TMEM184B: variants seen among roughly 807,000 people sequenced by gnomAD.
TMEM184B encodes the protein putative MAPK-activating protein FM08.
In TMEM184B, 17 loss-of-function variants were observed where a neutral mutation model predicts 41.8. The ratio of observed to expected loss-of-function variants is 0.41; its 90% CI spans 0.28 to 0.61. The LOEUF (loss-of-function observed/expected upper bound fraction) is 0.61. TMEM184B is among the 20% of genes least tolerant of loss of function. The pLI, the probability that TMEM184B is intolerant of heterozygous loss-of-function variation, is 0.34. For missense variants in TMEM184B, 393 were observed against 557.8 expected (o/e 0.70, Z 2.98); for synonymous variants, 240 against 229.5 (o/e 1.05, Z -0.41).
intron 1 of TMEM184B, among the ~76,000 whole-genome samples, chr22:38,258,100 C>T (rs894742525): frequency 6.6e-6 from 1 of 152,138 alleles, no homozygotes; most frequent in Non-Finnish European, 1.5e-5. Context: ...GGCAAAGAGG[C>T]CAGGCCACGC....
chr22:38,227,625 CAG>C (rs1277827150), intron 5 of TMEM184B, among the ~76,000 whole-genome samples: 1 of 152,162 alleles, frequency 6.6e-6, no homozygotes, highest in Admixed American at 6.5e-5. Flanking sequence ...ACGTGGACTC[CAG>C]AGTCTCAAAA....
In TMEM184B at chr22:38,219,749, A is replaced by G; in HGVS notation, c.*1720T>C. On this transcript the variant is annotated 3_prime_UTR_variant, in exon 9 of 9. Transcript: ENST00000361906. ...AGGGAGAAGGGAAGCCACGGTGGAG[A>G]GACAGCTTGGTGAAAGCAGATGGCG... is the stretch of plus-strand genomic sequence containing the variant. 19 of 985,714 alleles carry G rather than the reference A, an allele frequency of 1.9e-5. No homozygotes were observed. The highest frequency in any genetic ancestry group is 2.3e-5 in the Non-Finnish European group (19 of 830,150). 61.1% of individuals were successfully genotyped at this position (985,714 alleles called of 1,614,324 possible). A position where few individuals can be genotyped will look rare whatever the true frequency, so the allele number is the denominator to read the frequency against.
At position 38,220,006 on chromosome 22, in the gene TMEM184B, TC is replaced by T; in HGVS notation, c.*1462del. 1 of 985,256 alleles carries T rather than the reference TC, an allele frequency of 1.0e-6. No individual in the cohort carries two copies. The highest frequency in any genetic ancestry group is 1.7e-5 in the African/African-American group (1 of 57,244). 61.0% of individuals were successfully genotyped at this position (985,256 alleles called of 1,614,324 possible). On this transcript the variant is annotated 3_prime_UTR_variant, in exon 9 of 9. Coordinates refer to ENST00000361906, the MANE Select transcript of TMEM184B (RefSeq NM_012264.5). Reference sequence around the variant, plus strand: ...TTCCAGGAAGGACCAAAAGAAAGAATCCCCAGTGAACACCGGCAGGGTCCCT... The same window carrying T: ...TTCCAGGAAGGACCAAAAGAAAGAATCCCAGTGAACACCGGCAGGGTCCCT...
intron 1 of TMEM184B, among the ~76,000 whole-genome samples, chr22:38,255,892 T>A (rs2092269594): frequency 6.6e-6 from 1 of 152,210 alleles, no homozygotes; most frequent in Admixed American, 6.5e-5. Context: ...GGTGGGGGTG[T>A]GTAATTTTAA....
At chr22:38,260,448 A>G (rs2092353702) in intron 1 of TMEM184B, among the ~76,000 whole-genome samples, 2 of 152,138 alleles carry the variant, frequency 1.3e-5, no homozygotes, top group South Asian at 4.1e-4. Flanking sequence ...GGCTGACGTC[A>G]TTTGCCCACA....
In TMEM184B at chr22:38,236,958, T is replaced by C. The variant is rs2091787768; in HGVS notation, c.359-5624A>G. On this transcript the variant is annotated intron_variant, in intron 3 of 8. Transcript: ENST00000361906. ...TGACTTTCCTGTCCCTTGTGGATCCTGTTATTCCTGTTTGTCGCCCTCCCA... is the reference window on the plus strand; with the variant it reads ...TGACTTTCCTGTCCCTTGTGGATCCCGTTATTCCTGTTTGTCGCCCTCCCA... 2.0e-5 allele frequency among the ~76,000 whole-genome samples: 3 copies of C among 152,210 alleles called. No homozygotes were observed. The South Asian group carries it at 6.2e-4, about 32-fold the overall frequency.
downstream of TMEM184B, among the ~76,000 whole-genome samples, chr22:38,218,568 G>A (rs1166418785): frequency 2.0e-5 from 3 of 152,114 alleles, no homozygotes; most frequent in South Asian, 4.1e-4. Context: ...CCAGTTGGGC[G>A]AAGGTGCAGG....
chr22:38,263,379 G>C (rs1435377281), intron 1 of TMEM184B, among the ~76,000 whole-genome samples: 1 of 152,130 alleles, frequency 6.6e-6, no homozygotes, highest in Non-Finnish European at 1.5e-5. Context: ...AGACACTTTT[G>C]ATTCTCTTCC....
chr22:38,221,310 C>T lies in TMEM184B; in HGVS notation c.*159G>A. On this transcript the variant is annotated 3_prime_UTR_variant, in exon 9 of 9. Transcript: ENST00000361906. ...GGCCCATGGGCGAGCCTGGCTGTCCCCCGTTCCTCTGGAAGTGACATGTGA... is the reference window on the plus strand; with the variant it reads ...GGCCCATGGGCGAGCCTGGCTGTCCTCCGTTCCTCTGGAAGTGACATGTGA... 7.0e-7 allele frequency: 1 copy of T among 1,435,894 alleles called. No homozygotes were observed. Among genetic ancestry groups the T allele is most frequent in the Admixed American group, 2.9e-5 (1 of 34,832 alleles). The allele number at this position is 1,435,894 out of a possible 1,614,324, so 88.9% of individuals were successfully genotyped here.
chr22:38,241,190 G>A (rs779991426), intron 3 of TMEM184B, among the ~76,000 whole-genome samples: 6 of 152,224 alleles, frequency 3.9e-5, no homozygotes, highest in Non-Finnish European at 8.8e-5. Flanking sequence ...CAGGAGAAGC[G>A]TCACGGGGAA....
intron 5 of TMEM184B, among the ~76,000 whole-genome samples, chr22:38,227,381 A>G (rs1173274912): frequency 6.6e-6 from 1 of 152,028 alleles, no homozygotes; most frequent in Admixed American, 6.5e-5. Context: ...CGCACTAGAG[A>G]GGTGGCTGAG....
chr22:38,244,635 T>A (rs1205720178), intron 3 of TMEM184B, among the ~76,000 whole-genome samples: 1 of 152,218 alleles, frequency 6.6e-6, no homozygotes, highest in African/African-American at 2.4e-5. Context: ...TTTGTATTTT[T>A]AGTAGAGACG....
chr22:38,245,980 C>T lies in TMEM184B; in HGVS notation c.313G>A (p.Asp105Asn), dbSNP rs1044431930. 6.6e-6 allele frequency: 10 copies of T among 1,520,702 alleles called. No individual in the cohort carries two copies. The highest frequency in any genetic ancestry group is 1.1e-5 in the South Asian group (1 of 89,886). The allele number at this position is 1,520,702 out of a possible 1,614,324, so 94.2% of individuals were successfully genotyped here. A position where few individuals can be genotyped will look rare whatever the true frequency, so the allele number is the denominator to read the frequency against. The change falls in exon 3 of 9, where the codon GAC (aspartate) becomes AAC (asparagine). Residue 105 changes from aspartate (D) to asparagine (N), a missense_variant. By Grantham distance (23) the Asp-to-Asn change is conservative (BLOSUM62 1). Around this residue, in one of 2 missense-constraint regions of TMEM184B, gnomAD observed 271 missense variants for 434.1 expected, o/e 0.62. Coordinates refer to ENST00000361906, the MANE Select transcript of TMEM184B (RefSeq NM_012264.5). Reference sequence around the variant, plus strand: ...GTGCCGAAGTACACGTAGTACTGGTCGTTGGTGAAGAAGAGGAGGCTGAGC... The same window carrying T: ...GTGCCGAAGTACACGTAGTACTGGTTGTTGGTGAAGAAGAGGAGGCTGAGC... ...SWLSLLFFTN[D>N]QYYVYFGTVR...
chr22:38,225,059 T>C lies in TMEM184B; in HGVS notation c.788-80A>G. ...CTTCTTCCACAATGCCCCATTCAGC[T>C]GCCCACATGCCCCAGTGAGGATGTG... On this transcript the variant is annotated intron_variant, in intron 7 of 8. Coordinates refer to ENST00000361906, the MANE Select transcript of TMEM184B (RefSeq NM_012264.5). This position sits in a 1 kb window ranked among gnomAD's most constrained non-coding sequence, Gnocchi z 4.4. The C allele has an allele frequency of 7.1e-7, 1 of 1,414,948 alleles. No individual in the cohort carries two copies. The highest frequency in any genetic ancestry group is 1.4e-5 in the African/African-American group (1 of 70,060). The allele number at this position is 1,414,948 out of a possible 1,614,324, so 87.6% of individuals were successfully genotyped here.
At chr22:38,260,662 C>G (rs563549999) in intron 1 of TMEM184B, among the ~76,000 whole-genome samples, 1 of 152,110 alleles carries the variant, frequency 6.6e-6, no homozygotes, top group African/African-American at 2.4e-5. Flanking sequence ...GAGAGAGGGA[C>G]GGAATAATGA....
In TMEM184B at chr22:38,251,881, G is replaced by A. The variant is rs572818848; in HGVS notation, c.-58-3862C>T. 4.0e-5 allele frequency among the ~76,000 whole-genome samples: 6 copies of A among 150,526 alleles called. No homozygotes were observed. In the East Asian group the frequency reaches 1.2e-3, roughly 29 times the overall value. Reference sequence around the variant, plus strand: ...AATTCCAGCTGCTCTGGCAGGACCAGATCCAGATGATGCTGTTTTTTTTTT... The same window carrying A: ...AATTCCAGCTGCTCTGGCAGGACCAAATCCAGATGATGCTGTTTTTTTTTT... On this transcript the variant is annotated intron_variant, in intron 1 of 8. Coordinates refer to ENST00000361906, the MANE Select transcript of TMEM184B (RefSeq NM_012264.5).
chr22:38,267,509 T>C (rs1293554537), intron 1 of TMEM184B, among the ~76,000 whole-genome samples: 1 of 151,514 alleles, frequency 6.6e-6, no homozygotes, highest in African/African-American at 2.4e-5. Context: ...CTCAGCTCAC[T>C]GCAACCTCCG....
At position 38,221,704 on chromosome 22, in the gene TMEM184B, C is replaced by G. The variant is rs747036694; in HGVS notation, c.989G>C (p.Cys330Ser). 6.2e-7 allele frequency: 1 copy of G among 1,613,662 alleles called. No homozygotes were observed. The highest frequency in any genetic ancestry group is 1.7e-4 in the Middle Eastern group (1 of 6,036). Residue 330 changes from cysteine (C) to serine (S), a missense_variant, in exon 9 of 9, where the codon TGT becomes TCT. Physicochemically the swap from Cys to Ser is moderately radical, Grantham distance 112. Around this residue, in one of 2 missense-constraint regions of TMEM184B, gnomAD observed 271 missense variants for 434.1 expected, o/e 0.62. Transcript: ENST00000361906. ...ADKRLDAQGRCAPMKSISSSL... is the reference protein window; with the variant it reads ...ADKRLDAQGRSAPMKSISSSL... The stretch of plus-strand genomic sequence containing the variant: ...GCTGGAGATGCTCTTCATGGGGGCA[C>G]AGCGGCCTGCCGGGCAGGGAGCGGG...
At chr22:38,245,883 T>TAC in intron 3 of TMEM184B, 52 bp downstream of exon 3, 6 of 1,288,706 alleles carry the variant, frequency 4.7e-6, no homozygotes, top group Non-Finnish European at 6.5e-6. Context: ...GGACAGGGGC[T>TAC]CCCAGCCCCC....
Sources: allele counts gnomAD v4.1 joint callset (sites outside exome capture counted in the v4.1 genomes callset), GRCh38; gene constraint gnomAD v4.1.1; regional missense constraint gnomAD v4.1.1; non-coding constraint Gnocchi (gnomAD v3.1); transcripts MANE v1.5; gene names NCBI Gene and HGNC (gene_info 2026-07-23, HGNC 2026-07-21).